The following RIPPLY3 variants were observed in gnomAD, a reference collection of about 807,000 sequenced individuals.
RIPPLY3 encodes the protein ripply transcriptional repressor 3.
A neutral mutation model predicts 11.9 loss-of-function variants in RIPPLY3; 8 were observed. The ratio of observed to expected loss-of-function variants is 0.67; its 90% CI spans 0.40 to 1.21. The LOEUF (loss-of-function observed/expected upper bound fraction) is 1.21. Among genes scored for constraint, RIPPLY3 ranks in the 50% most tolerant of loss-of-function variants. RIPPLY3 has a pLI of 0.01. For missense variants in RIPPLY3, 271 were observed against 246.0 expected, an observed-to-expected ratio of 1.10 and a Z score of -0.68; for synonymous variants, 102 against 99.0, an observed-to-expected ratio of 1.03 and a Z score of -0.18.
At chr21:37,014,266 C>T (rs563637067) in intron 3 of RIPPLY3, among the ~76,000 whole-genome samples, 125 of 151,980 alleles carry the variant, frequency 8.2e-4, no homozygotes, top group African/African-American at 2.8e-3. Flanking sequence ...TGCAGTGAGC[C>T]GAGATCACGC....
chr21:37,011,751 G>A (rs908855725), intron 2 of RIPPLY3, among the ~76,000 whole-genome samples: 3 of 151,856 alleles, frequency 2.0e-5, no homozygotes, highest in African/African-American at 7.3e-5. Flanking sequence ...CGGATCATGA[G>A]ATCAGGAGAT....
intron 3 of RIPPLY3, among the ~76,000 whole-genome samples, chr21:37,015,987 TAC>T (rs1452181133): frequency 6.6e-6 from 1 of 151,976 alleles, no homozygotes; most frequent in Admixed American, 6.6e-5. Context: ...GTGCTGAGAT[TAC>T]AGACATGAGC....
rs895853940 is a variant in RIPPLY3 at position 37,007,400 on chromosome 21, C to CTTTTTTTTTTTTTTTTTT, written c.104+533_104+550dup. Reference sequence around the variant, plus strand: ...TAGCCAGGCAGGAGAAAGATTCCCTCTTTTTTTTTTTTTTTTTTTTTTTTT... The same window carrying CTTTTTTTTTTTTTTTTTT: ...TAGCCAGGCAGGAGAAAGATTCCCTCTTTTTTTTTTTTTTTTTTTTTTTTTTTTTTTTTTTTTTTTTTT... On this transcript the variant is annotated intron_variant, in intron 1 of 3. Coordinates refer to ENST00000329553, the MANE Select transcript of RIPPLY3 (RefSeq NM_018962.3). Among the ~76,000 whole-genome samples the CTTTTTTTTTTTTTTTTTT allele has an allele frequency of 2.4e-4, 21 of 86,296 alleles. 2 individuals carry two copies. The highest frequency in any genetic ancestry group is 1.1e-3 in the African/African-American group (21 of 19,894). 56.6% of individuals were successfully genotyped at this position (86,296 alleles called of 152,430 possible).
At chr21:37,014,568 C>T (rs1475803110) in intron 3 of RIPPLY3, among the ~76,000 whole-genome samples, 1 of 152,140 alleles carries the variant, frequency 6.6e-6, no homozygotes, top group Non-Finnish European at 1.5e-5. Context: ...ATCTCCTTTA[C>T]CAAAATTAAC....
chr21:37,012,154 T>C lies in RIPPLY3; in HGVS notation c.172-1397T>C, dbSNP rs374279281. ...TTTCTCATCTGGTTCCAATTGAACT[T>C]TGGAATCTGAAGATTTGGGGTTTCT... On this transcript the variant is annotated intron_variant, in intron 2 of 3. Transcript: ENST00000329553. 5.3e-5 allele frequency among the ~76,000 whole-genome samples: 8 copies of C among 151,066 alleles called. No homozygotes were observed. The South Asian group carries it at 1.7e-3, about 32-fold the overall frequency.
chr21:37,018,216 C>G lies in RIPPLY3; in HGVS notation c.*9C>G. The stretch of plus-strand genomic sequence containing the variant: ...GCTCCTCATCCAAATGAATCAGTCT[C>G]TGTCTCCTGGGCCCTGCTCTGGGAC... On this transcript the variant is annotated 3_prime_UTR_variant, in exon 4 of 4. Coordinates refer to ENST00000329553, the MANE Select transcript of RIPPLY3 (RefSeq NM_018962.3). 1 of 1,608,738 alleles carries G rather than the reference C, an allele frequency of 6.2e-7. No individual in the cohort carries two copies. Among genetic ancestry groups the G allele is most frequent in the Non-Finnish European group, 8.5e-7 (1 of 1,175,534 alleles).
chr21:37,006,737 G>T lies in RIPPLY3; in HGVS notation c.-36G>T. The T allele has an allele frequency of 8.4e-7, 1 of 1,196,514 alleles. No homozygotes were observed. Among genetic ancestry groups the T allele is most frequent in the Non-Finnish European group, 1.0e-6 (1 of 957,114 alleles). 74.1% of individuals were successfully genotyped at this position (1,196,514 alleles called of 1,614,324 possible). The stretch of plus-strand genomic sequence containing the variant: ...GTGGATCTAGGCGCGCTCGTAGGCC[G>T]GCGCCGCAGCAAGGGGCGCGGGCTC... On this transcript the variant is annotated 5_prime_UTR_variant, in exon 1 of 4. Transcript: ENST00000329553. This position sits in a 1 kb window ranked among gnomAD's most constrained non-coding sequence, Gnocchi z 5.2.
intron 2 of RIPPLY3, among the ~76,000 whole-genome samples, chr21:37,011,826 GC>G (rs2146775231): frequency 6.7e-6 from 1 of 150,086 alleles, no homozygotes; most frequent in South Asian, 2.1e-4. Context: ...GGTGGCATGC[GC>G]CTGTAGTCCC....
intron 3 of RIPPLY3, 115 bp downstream of exon 3, chr21:37,013,733 A>AT: frequency 1.4e-6 from 1 of 705,334 alleles, no homozygotes; most frequent in Non-Finnish European, 2.3e-6. Flanking sequence ...AATTCAATGT[A>AT]TTCTTTGGTA....
intron 2 of RIPPLY3, among the ~76,000 whole-genome samples, chr21:37,010,655 C>T (rs1447529443): frequency 6.6e-6 from 1 of 152,208 alleles, no homozygotes; most frequent in Non-Finnish European, 1.5e-5. Context: ...TTGCGTTTCC[C>T]TCCTGGCCAC....
At chr21:37,013,325 T>A (rs975142021) in intron 2 of RIPPLY3, among the ~76,000 whole-genome samples, 1 of 152,208 alleles carries the variant, frequency 6.6e-6, no homozygotes. Context: ...ACTGAGGCAC[T>A]GTGTCCAACT....
chr21:37,015,687 ATGT>A (rs944039065), intron 3 of RIPPLY3, among the ~76,000 whole-genome samples: 1 of 151,692 alleles, frequency 6.6e-6, no homozygotes, highest in Non-Finnish European at 1.5e-5. Context: ...ACCCGCAACT[ATGT>A]TGTTGTTGTT....
At chr21:37,017,552 G>C (rs2069591290) in intron 3 of RIPPLY3, among the ~76,000 whole-genome samples, 1 of 152,188 alleles carries the variant, frequency 6.6e-6, no homozygotes, top group African/African-American at 2.4e-5. Flanking sequence ...TTTGATCAGA[G>C]TGAGCCTCCT....
At position 37,006,916 on chromosome 21, in the gene RIPPLY3, C is replaced by G; in HGVS notation, c.104+40C>G. 3 of 1,117,074 alleles carry G rather than the reference C, an allele frequency of 2.7e-6. No individual in the cohort carries two copies. The highest frequency in any genetic ancestry group is 4.5e-5 in the South Asian group (1 of 22,384). 69.2% of individuals were successfully genotyped at this position (1,117,074 alleles called of 1,614,324 possible). On this transcript the variant is annotated intron_variant, in intron 1 of 3. Coordinates refer to ENST00000329553, the MANE Select transcript of RIPPLY3 (RefSeq NM_018962.3). This position sits in a 1 kb window ranked among gnomAD's most constrained non-coding sequence, Gnocchi z 5.2. ...GCGCCCCGGTGGACGCGCTGAGAGGCGTGCGCGGTGGCGGTGCGGGGAGCG... is the reference window on the plus strand; with the variant it reads ...GCGCCCCGGTGGACGCGCTGAGAGGGGTGCGCGGTGGCGGTGCGGGGAGCG...
chr21:37,015,625 A>AC (rs1221327548), intron 3 of RIPPLY3, among the ~76,000 whole-genome samples: 1 of 152,152 alleles, frequency 6.6e-6, no homozygotes, highest in East Asian at 1.9e-4. Context: ...AACCCCATGT[A>AC]CCCATCACCG....
At chr21:37,012,700 A>C (rs2069537319) in intron 2 of RIPPLY3, among the ~76,000 whole-genome samples, 1 of 151,968 alleles carries the variant, frequency 6.6e-6, no homozygotes, top group Non-Finnish European at 1.5e-5. Flanking sequence ...TGACTCAAAA[A>C]TCCATCTCCA....
At chr21:37,017,791 G>T in intron 3 of RIPPLY3, 83 bp from the exon 4 acceptor site, 1 of 1,121,498 alleles carries the variant, frequency 8.9e-7, no homozygotes. Flanking sequence ...GGAGTTCTCT[G>T]CTTCTGGGAA....
chr21:37,011,405 G>T (rs1378933902), intron 2 of RIPPLY3, among the ~76,000 whole-genome samples: 1 of 152,220 alleles, frequency 6.6e-6, no homozygotes, highest in Non-Finnish European at 1.5e-5. Context: ...GTTAGAACTG[G>T]ACGATTTACA....
rs1460798578 is a variant in RIPPLY3, at chr21:37,018,259, T to C, written c.*52T>C. On this transcript the variant is annotated 3_prime_UTR_variant, in exon 4 of 4. Coordinates refer to ENST00000329553, the MANE Select transcript of RIPPLY3 (RefSeq NM_018962.3). ...TCTGGGACCTGCCCCTCACGTTCTC[T>C]TGGGGACACCCGAGCCAGGACACTA... The C allele has an allele frequency of 3.3e-6, 5 of 1,495,800 alleles. No individual in the cohort carries two copies. Among genetic ancestry groups the C allele is most frequent in the Non-Finnish European group, 2.8e-6 (3 of 1,076,244 alleles). The allele number at this position is 1,495,800 out of a possible 1,614,324, so 92.7% of individuals were successfully genotyped here. A position where few individuals can be genotyped will look rare whatever the true frequency, so the allele number is the denominator to read the frequency against.
Sources: gnomAD v4.1 joint callset for allele counts (sites outside exome capture counted in the v4.1 genomes callset) on GRCh38, gnomAD v4.1.1 for gene constraint, Gnocchi (gnomAD v3.1) non-coding constraint, MANE v1.5 for transcripts, NCBI Gene and HGNC (gene_info 2026-07-23, HGNC 2026-07-21) for gene names.